The following SPEN variants were observed in gnomAD, a reference collection of about 807,000 sequenced individuals.
SPEN encodes the protein msx2-interacting protein.
In SPEN, 18 loss-of-function variants were observed where a neutral mutation model predicts 269.9. That is an observed-to-expected ratio of 0.07 (90% CI 0.05 to 0.10). The LOEUF (loss-of-function observed/expected upper bound fraction) is 0.10, where lower values mean the gene tolerates loss of function less well. Ranked by LOEUF, SPEN falls within the 10% of genes least tolerant of loss-of-function variation. The pLI, the probability that SPEN is intolerant of heterozygous loss-of-function variation, is 1.00. For missense variants in SPEN, 3,822 were observed against 4,631.2 expected (o/e 0.83, Z 5.07); for synonymous variants, 1,726 against 1,765.7 (o/e 0.98, Z 0.56).
Position 15,928,835 on chromosome 1 carries a change from G to C in SPEN, c.2595G>C (p.Glu865Asp). ...TGAGCAGAGAGAAAGCTGACAAAGA[G>C]GGAATAGCGAAAAACCGCCTGGAAC... is the stretch of plus-strand genomic sequence containing the variant. The part of the protein sequence containing the change: ...NKLSREKADK[E>D]GIAKNRLELM... The change falls in exon 11 of 15, where the codon GAG becomes GAC. Residue 865 changes from glutamate to aspartate, a missense_variant. Glu to Asp is a conservative substitution (Grantham distance 45). Around this residue, in one of 16 missense-constraint regions of SPEN, gnomAD observed 572 missense variants for 582.6 expected, o/e 0.98. Transcript: ENST00000375759. The surrounding 1 kb of genome is among the most constrained non-coding windows in gnomAD (Gnocchi z 5.7). 6.2e-7 allele frequency: 1 copy of C among 1,614,096 alleles called. No individual in the cohort carries two copies. The highest frequency in any genetic ancestry group is 2.2e-5 in the East Asian group (1 of 44,874).
intron 10 of SPEN, among the ~76,000 whole-genome samples, chr1:15,922,713 T>G (rs2071131250): frequency 1.3e-5 from 2 of 152,114 alleles, no homozygotes; most frequent in African/African-American, 4.8e-5. Flanking sequence ...GTCTCTGCCT[T>G]ATAGGCTCAA....
chr1:15,864,012 G>A (rs1411273213), intron 1 of SPEN, among the ~76,000 whole-genome samples: 2 of 152,126 alleles, frequency 1.3e-5, no homozygotes, highest in Non-Finnish European at 2.9e-5. Context: ...GCCTTAGAAA[G>A]GAAGTTTTGA....
rs750426811 is a variant in SPEN at position 15,934,440 on chromosome 1, G to A, written c.8200G>A (p.Ala2734Thr). 15 of 1,613,850 alleles carry A rather than the reference G, an allele frequency of 9.3e-6. No individual in the cohort carries two copies. The South Asian group carries it at 1.3e-4, about 14-fold the overall frequency. ...TVNAAASAVNATASAVTVTAG... is the reference protein window; with the variant it reads ...TVNAAASAVNTTASAVTVTAG... ...CAATGCCGCTGCGAGTGCAGTGAAT[G>A]CCACAGCAAGTGCAGTGACCGTCAC... The change falls in exon 11 of 15, where the codon GCC becomes ACC. Residue 2734 changes from alanine to threonine, a missense_variant. Physicochemically the swap from Ala to Thr is moderately conservative, Grantham distance 58. Coordinates refer to ENST00000375759, the MANE Select transcript of SPEN (RefSeq NM_015001.3). The surrounding 1 kb of genome is among the most constrained non-coding windows in gnomAD (Gnocchi z 9.2).
At chr1:15,887,868 C>G (rs1382898619) in intron 3 of SPEN, among the ~76,000 whole-genome samples, 3 of 150,372 alleles carry the variant, frequency 2.0e-5, no homozygotes, top group African/African-American at 7.3e-5. Context: ...GAAAAAAATA[C>G]AAAAATTAAC....
chr1:15,869,351 C>T (rs949348582), intron 1 of SPEN, among the ~76,000 whole-genome samples: 5 of 151,870 alleles, frequency 3.3e-5, no homozygotes, highest in African/African-American at 4.8e-5. Context: ...CCACCGTGCC[C>T]GGCCCTTTTG....
At chr1:15,909,940 A>G (rs982292172) in intron 4 of SPEN, among the ~76,000 whole-genome samples, 19 of 151,948 alleles carry the variant, frequency 1.3e-4, no homozygotes, top group Non-Finnish European at 2.2e-4. Context: ...CCTGGCTAAC[A>G]TGGTGAAACC....
intron 3 of SPEN, among the ~76,000 whole-genome samples, chr1:15,887,978 A>G (rs1221746718): frequency 1.3e-5 from 2 of 151,802 alleles, no homozygotes; most frequent in African/African-American, 4.8e-5. Flanking sequence ...CAGTGAGCCA[A>G]GATTGCACCA....
chr1:15,873,021 A>G lies in SPEN; in HGVS notation c.289A>G (p.Ile97Val), dbSNP rs1483388473. 2 of 1,614,076 alleles carry G rather than the reference A, an allele frequency of 1.2e-6. No homozygotes were observed. Among genetic ancestry groups the G allele is most frequent in the Non-Finnish European group, 8.5e-7 (1 of 1,180,054 alleles). Residue 97 changes from isoleucine (I) to valine (V), a missense_variant, in exon 2 of 15, where the codon ATA becomes GTA. Physicochemically the swap from Ile to Val is conservative, Grantham distance 29. This residue lies in a region of SPEN where 327 missense variants were observed against 350.8 expected (regional missense o/e 0.93). Transcript: ENST00000375759. ...TCGGGGATTGGATGATACAGTTTCC[A>G]TAGCATCTCGTAGTAGAGAGGTTTC... ...AARGLDDTVS[I>V]ASRSREVSGF...
chr1:15,918,461 C>T (rs111434257), intron 6 of SPEN, among the ~76,000 whole-genome samples: 3 of 152,130 alleles, frequency 2.0e-5, no homozygotes, highest in Admixed American at 6.5e-5. Context: ...TCAAGTGATC[C>T]GCCCGCCTCC....
chr1:15,873,038 A>G lies in SPEN; in HGVS notation c.306A>G (p.Arg102=). 1 of 1,614,118 alleles carries G rather than the reference A, an allele frequency of 6.2e-7. No homozygotes were observed. Among genetic ancestry groups the G allele is most frequent in the Non-Finnish European group, 8.5e-7 (1 of 1,180,026 alleles). ...CAGTTTCCATAGCATCTCGTAGTAG[A>G]GAGGTTTCTGGGTTCAGAGGAGGTG... ...DDTVSIASRS[R]EVSGFRGGGG... is the part of the protein sequence containing the mutation. Residue 102 remains arginine (R), a synonymous_variant, in exon 2 of 15, where the codon AGA becomes AGG. Coordinates refer to ENST00000375759, the MANE Select transcript of SPEN (RefSeq NM_015001.3).
intron 3 of SPEN, among the ~76,000 whole-genome samples, chr1:15,879,368 G>A (rs1352521977): frequency 6.6e-6 from 1 of 152,082 alleles, no homozygotes; most frequent in Non-Finnish European, 1.5e-5. Context: ...CCTCAGAACT[G>A]TAGGCTCAGA....
At chr1:15,863,013 A>T (rs2070462990) in intron 1 of SPEN, among the ~76,000 whole-genome samples, 1 of 151,990 alleles carries the variant, frequency 6.6e-6, no homozygotes, top group African/African-American at 2.4e-5. Context: ...TGCCTACCTC[A>T]GCCTCCCAAA....
intron 10 of SPEN, among the ~76,000 whole-genome samples, chr1:15,922,963 C>T (rs769883692): frequency 6.6e-6 from 1 of 152,124 alleles, no homozygotes; most frequent in Non-Finnish European, 1.5e-5. Context: ...CTTACAGTTA[C>T]TTCTTAAAGT....
chr1:15,939,260 C>CA lies in SPEN; in HGVS notation c.10864-35dup. On this transcript the variant is annotated intron_variant, in intron 14 of 14. Transcript: ENST00000375759. This position sits in a 1 kb window ranked among gnomAD's most constrained non-coding sequence, Gnocchi z 4.1. ...GGAAGTGGAGTTGTGGGGGTGAAGA[C>CA]AGACGGTCCCACTTTGCTCTCTATC... is the stretch of plus-strand genomic sequence containing the variant. The CA allele has an allele frequency of 2.0e-6, 3 of 1,521,848 alleles. No individual in the cohort carries two copies. The highest frequency in any genetic ancestry group is 1.4e-5 in the African/African-American group (1 of 71,898). 94.3% of individuals were successfully genotyped at this position (1,521,848 alleles called of 1,614,324 possible). A position where few individuals can be genotyped will look rare whatever the true frequency, so the allele number is the denominator to read the frequency against.
At chr1:15,850,566 G>A (rs1023011074) in intron 1 of SPEN, among the ~76,000 whole-genome samples, 1 of 152,064 alleles carries the variant, frequency 6.6e-6, no homozygotes, top group Non-Finnish European at 1.5e-5. Flanking sequence ...TCCAGGTAAT[G>A]TCTATTTCTG....
chr1:15,882,664 AAAG>A (rs2070697793), intron 3 of SPEN, among the ~76,000 whole-genome samples: 1 of 152,218 alleles, frequency 6.6e-6, no homozygotes, highest in Non-Finnish European at 1.5e-5. Flanking sequence ...CATTTCAAAA[AAAG>A]AAAATTCTTA....
chr1:15,862,498 A>G (rs889068581), intron 1 of SPEN, among the ~76,000 whole-genome samples: 4 of 151,984 alleles, frequency 2.6e-5, no homozygotes, highest in Non-Finnish European at 5.9e-5. Flanking sequence ...AATTTTTTCC[A>G]AGATTGTCTA....
In SPEN at chr1:15,936,237, C is replaced by T. The variant is rs375123766; in HGVS notation, c.9997C>T (p.Leu3333=). Residue 3333 remains leucine, a synonymous_variant, in exon 11 of 15, where the codon CTG becomes TTG. Coordinates refer to ENST00000375759, the MANE Select transcript of SPEN (RefSeq NM_015001.3). The part of the protein sequence containing the change: ...TQFPAASSVG[L]PSRTKTAAQG... ...GTTTCCCGCCGCTTCCTCTGTTGGC[C>T]TGCCTTCCCGGACCAAGACAGCTGC... 3 of 1,556,464 alleles carry T rather than the reference C, an allele frequency of 1.9e-6. No homozygotes were observed. Among genetic ancestry groups the T allele is most frequent in the Middle Eastern group, 1.7e-4 (1 of 5,806 alleles).
intron 3 of SPEN, among the ~76,000 whole-genome samples, chr1:15,889,185 C>T (rs1293040395): frequency 5.8e-5 from 5 of 86,018 alleles, no homozygotes; most frequent in Non-Finnish European, 8.7e-5. Context: ...TTTTTTGAGA[C>T]GGGGTTTTTT....
Sources: gnomAD v4.1 joint callset for allele counts (sites outside exome capture counted in the v4.1 genomes callset) on GRCh38, gnomAD v4.1.1 for gene constraint, gnomAD v4.1.1 regional missense constraint, Gnocchi (gnomAD v3.1) non-coding constraint, MANE v1.5 for transcripts, NCBI Gene and HGNC (gene_info 2026-07-23, HGNC 2026-07-21) for gene names.